ZRANB3: variants seen among roughly 807,000 people sequenced by gnomAD.
ZRANB3 encodes DNA annealing helicase and endonuclease ZRANB3.
Under a neutral mutation model 133.8 loss-of-function variants are expected in ZRANB3, and 125 were observed. The ratio of observed to expected loss-of-function variants is 0.93; its 90% CI spans 0.81 to 1.08. The LOEUF (loss-of-function observed/expected upper bound fraction) is 1.08, where lower values mean the gene tolerates loss of function less well. ZRANB3 is among the 50% of genes least tolerant of loss of function. The pLI, the probability that ZRANB3 is intolerant of heterozygous loss-of-function variation, is 0.00. For missense variants in ZRANB3, 1,229 were observed against 1,275.5 expected (o/e 0.96, Z 0.56); for synonymous variants, 387 against 432.7 (o/e 0.89, Z 1.31).
chr2:135,299,406 A>C (rs1221229634), intron 8 of ZRANB3, among the ~76,000 whole-genome samples: 1 of 152,130 alleles, frequency 6.6e-6, no homozygotes, highest in Non-Finnish European at 1.5e-5. Context: ...CCCAGGCTAC[A>C]AGCCTCCCCT....
chr2:135,329,328 A>G (rs771505716), intron 6 of ZRANB3, among the ~76,000 whole-genome samples: 2 of 152,072 alleles, frequency 1.3e-5, no homozygotes, highest in African/African-American at 4.8e-5. Context: ...TCCTTTCCCC[A>G]TATTTGTTTT....
chr2:135,291,939 G>A (rs1331342638), intron 8 of ZRANB3, among the ~76,000 whole-genome samples: 1 of 152,048 alleles, frequency 6.6e-6, no homozygotes. Context: ...CATTTTTTAG[G>A]GCTGCATAGT....
At chr2:135,395,156 G>C (rs1012286920) in intron 2 of ZRANB3, among the ~76,000 whole-genome samples, 1 of 151,972 alleles carries the variant, frequency 6.6e-6, no homozygotes, top group Non-Finnish European at 1.5e-5. Context: ...CAGACACACA[G>C]ACCAAAGGAA....
intron 3 of ZRANB3, among the ~76,000 whole-genome samples, chr2:135,377,676 GATACAA>G (rs1476241028): frequency 6.6e-6 from 1 of 152,180 alleles, no homozygotes; most frequent in Non-Finnish European, 1.5e-5. Flanking sequence ...AGTCCACACT[GATACAA>G]ATACATGATT....
At chr2:135,477,530 A>G (rs755503397) in intron 2 of ZRANB3, among the ~76,000 whole-genome samples, 3 of 152,212 alleles carry the variant, frequency 2.0e-5, no homozygotes, top group Non-Finnish European at 4.4e-5. Context: ...TCTCAGGCCT[A>G]GGAATGGTCA....
intron 2 of ZRANB3, among the ~76,000 whole-genome samples, chr2:135,430,000 G>A (rs1689249860): frequency 6.6e-6 from 1 of 151,896 alleles, no homozygotes; most frequent in South Asian, 2.1e-4. Flanking sequence ...GTGAAAACCT[G>A]TCTCTACAAA....
Position 135,368,744 on chromosome 2 carries a change from C to A in ZRANB3, c.181-15116G>T, listed in dbSNP as rs576549099. ...TGCCTGTATCAAAATATCTTATATA[C>A]CCCATAAATATATACATCTACTATG... On this transcript the variant is annotated intron_variant, in intron 3 of 20. Coordinates refer to ENST00000264159, the MANE Select transcript of ZRANB3 (RefSeq NM_032143.4). 1.1e-3 allele frequency among the ~76,000 whole-genome samples: 161 copies of A among 151,618 alleles called. 1 individual carries two copies. Among genetic ancestry groups the A allele is most frequent in the Non-Finnish European group, 1.8e-3 (123 of 67,800 alleles).
At chr2:135,352,405 TA>T (rs559865723) in intron 4 of ZRANB3, among the ~76,000 whole-genome samples, 117 of 152,138 alleles carry the variant, frequency 7.7e-4, no homozygotes, top group African/African-American at 2.6e-3. Context: ...ATGGAGGCCT[TA>T]AAAAATTCTA....
At chr2:135,479,928 G>T (rs1004495429) in intron 2 of ZRANB3, among the ~76,000 whole-genome samples, 3 of 151,372 alleles carry the variant, frequency 2.0e-5, no homozygotes, top group South Asian at 4.2e-4. Context: ...CTATACTTAC[G>T]ATTAATTCAT....
intron 2 of ZRANB3, among the ~76,000 whole-genome samples, chr2:135,476,984 G>C (rs546212159): frequency 3.3e-4 from 51 of 152,272 alleles, no homozygotes; most frequent in Admixed American, 3.9e-4. Context: ...GCCTCCCAAA[G>C]TGCTGGGATT....
chr2:135,426,858 AAAAAAATATATATATATATATATATATAT>A (rs1340472242), intron 2 of ZRANB3, among the ~76,000 whole-genome samples: 2 of 49,600 alleles, frequency 4.0e-5, no homozygotes, highest in African/African-American at 2.8e-4. Flanking sequence ...AAAAAAAAAA[AAAAAAATATATATATATATATATATATAT>A]ATATATATAT....
chr2:135,510,113 T>C (rs1177306994), intron 1 of ZRANB3, among the ~76,000 whole-genome samples: 1 of 152,230 alleles, frequency 6.6e-6, no homozygotes, highest in East Asian at 1.9e-4. Context: ...CTTCAAAATG[T>C]TATCAAATCC....
At chr2:135,481,027 A>G (rs1156718575) in intron 2 of ZRANB3, among the ~76,000 whole-genome samples, 4 of 152,064 alleles carry the variant, frequency 2.6e-5, no homozygotes, top group African/African-American at 7.2e-5. Context: ...TTGGACATTT[A>G]GGTTGGTTCC....
intron 2 of ZRANB3, among the ~76,000 whole-genome samples, chr2:135,445,054 T>G (rs1559003796): frequency 6.6e-6 from 1 of 152,132 alleles, no homozygotes; most frequent in Non-Finnish European, 1.5e-5. Context: ...ACATAATTAT[T>G]ACATGGAATT....
At chr2:135,489,238 CT>C (rs1574190116) in intron 2 of ZRANB3, among the ~76,000 whole-genome samples, 6 of 141,806 alleles carry the variant, frequency 4.2e-5, no homozygotes, top group Non-Finnish European at 7.5e-5. Flanking sequence ...TATGTTCTCA[CT>C]CATAGGTGGG....
At chr2:135,456,167 G>C (rs1690510614) in intron 2 of ZRANB3, among the ~76,000 whole-genome samples, 2 of 152,192 alleles carry the variant, frequency 1.3e-5, no homozygotes, top group South Asian at 4.1e-4. Flanking sequence ...TCCAAAACAT[G>C]TAAGAATTCA....
chr2:135,316,990 AT>A (rs1256768624), intron 6 of ZRANB3, among the ~76,000 whole-genome samples: 176 of 147,746 alleles, frequency 1.2e-3, no homozygotes, highest in African/African-American at 4.2e-3. Context: ...AAAAATATAT[AT>A]ATATATATAT....
intron 15 of ZRANB3, among the ~76,000 whole-genome samples, chr2:135,223,518 G>A (rs1694637431): frequency 1.3e-5 from 2 of 151,476 alleles, no homozygotes; most frequent in Admixed American, 6.6e-5. Flanking sequence ...TAGAGGTGGG[G>A]GGTTTCACCA....
intron 2 of ZRANB3, among the ~76,000 whole-genome samples, chr2:135,499,373 TATCAGAAGAC>T (rs1482423025): frequency 1.3e-5 from 2 of 152,158 alleles, no homozygotes; most frequent in Non-Finnish European, 2.9e-5. Flanking sequence ...AATCTCTGCT[TATCAGAAGAC>T]ATCATTAAGA....
Sources: allele counts gnomAD v4.1 joint callset (sites outside exome capture counted in the v4.1 genomes callset), GRCh38; gene constraint gnomAD v4.1.1; transcripts MANE v1.5; gene names NCBI Gene and HGNC (gene_info 2026-07-23, HGNC 2026-07-21).